NT5E: variants seen among roughly 807,000 people sequenced by gnomAD.
NT5E encodes the protein 5'-nucleotidase ecto, also known as 5'-nucleotidase.
NT5E carries 53 observed loss-of-function variants against 55.1 expected under a neutral mutation model. The ratio of observed to expected loss-of-function variants is 0.96; its 90% confidence interval spans 0.77 to 1.21. The LOEUF (loss-of-function observed/expected upper bound fraction) is 1.21. Among genes scored for constraint, NT5E ranks in the 50% most tolerant of loss-of-function variants. The pLI, the probability that NT5E is intolerant of heterozygous loss-of-function variation, is 0.00. For synonymous variants in NT5E, 270 were observed against 278.4 expected (o/e 0.97, Z 0.30); for missense variants, 683 against 724.3 (o/e 0.94, Z 0.65).
chr6:85,479,744 G>GTC (rs140974741), intron 3 of NT5E, among the ~76,000 whole-genome samples: 2 of 151,362 alleles, frequency 1.3e-5, no homozygotes, highest in East Asian at 1.9e-4. Context: ...ATGAAAATTA[G>GTC]TCTCTCTCTC....
In NT5E at chr6:85,450,584, G is replaced by A; in HGVS notation, c.339+106G>A. 9.4e-7 allele frequency: 1 copy of A among 1,062,754 alleles called. No individual in the cohort carries two copies. The highest frequency in any genetic ancestry group is 1.4e-6 in the Non-Finnish European group (1 of 712,144). The allele number at this position is 1,062,754 out of a possible 1,614,324, so 65.8% of individuals were successfully genotyped here. A position where few individuals can be genotyped will look rare whatever the true frequency, so the allele number is the denominator to read the frequency against. ...GTGGCAAGCCTAGGTCCAGGGCGCG[G>A]AGAGATGTGGGGATAAAGTGAGACT... On this transcript the variant is annotated intron_variant, in intron 1 of 8. Transcript: ENST00000257770. The surrounding 1 kb of genome is among the most constrained non-coding windows in gnomAD (Gnocchi z 4.0).
intron 3 of NT5E, among the ~76,000 whole-genome samples, chr6:85,482,854 G>C (rs1238008404): frequency 6.6e-6 from 1 of 152,208 alleles, no homozygotes; most frequent in Admixed American, 6.5e-5. Flanking sequence ...GGTTTCCTGG[G>C]ACTGCCGAGT....
At chr6:85,454,767 A>T (rs1768954843) in intron 1 of NT5E, among the ~76,000 whole-genome samples, 1 of 152,204 alleles carries the variant, frequency 6.6e-6, no homozygotes, top group African/African-American at 2.4e-5. Context: ...CTGGAAATTC[A>T]GAGATCACCA....
At chr6:85,470,342 A>T (rs1368280391) in intron 2 of NT5E, among the ~76,000 whole-genome samples, 1 of 152,238 alleles carries the variant, frequency 6.6e-6, no homozygotes, top group South Asian at 2.1e-4. Flanking sequence ...TATGTGCAGT[A>T]ATAAGCACCC....
chr6:85,492,842 G>A lies in NT5E; in HGVS notation c.1561+665G>A, dbSNP rs554560552. Among the ~76,000 whole-genome samples, 3 of 152,306 alleles carry A rather than the reference G, an allele frequency of 2.0e-5. No homozygotes were observed. In the East Asian group the frequency reaches 5.8e-4, roughly 29 times the overall value. ...ACAAGCAGCTTCTTGGCATCTCTGG[G>A]TAGTTCCACCAGGATCTTCCTCAGT... On this transcript the variant is annotated intron_variant, in intron 8 of 8. Transcript: ENST00000257770.
intron 7 of NT5E, 71 bp downstream of exon 7, chr6:85,490,728 C>A: frequency 6.4e-7 from 1 of 1,563,322 alleles, no homozygotes; most frequent in East Asian, 2.2e-5. Flanking sequence ...GGCTCAGCTT[C>A]CCCTTCACCA....
intron 7 of NT5E, 22 bp downstream of exon 7, chr6:85,490,679 G>A (rs765952269): frequency 6.2e-7 from 1 of 1,612,924 alleles, no homozygotes; most frequent in South Asian, 1.1e-5. Flanking sequence ...ATCCTGTAGG[G>A]CTGGCCCATC....
Position 85,494,377 on chromosome 6 carries a change from T to C in NT5E, c.*373T>C, listed in dbSNP as rs938692560. On this transcript the variant is annotated 3_prime_UTR_variant, in exon 9 of 9. Transcript: ENST00000257770. ...ATTCACAAGGAAGTTTTAAGCACAC[T>C]GTCTCATTTGATATCCACAACTTAT... is the stretch of plus-strand genomic sequence containing the variant. The C allele has an allele frequency of 5.2e-5, 11 of 209,908 alleles. No homozygotes were observed. Among genetic ancestry groups the C allele is most frequent in the Non-Finnish European group, 9.7e-5 (10 of 103,060 alleles). The allele number at this position is 209,908 out of a possible 1,614,324, so 13.0% of individuals were successfully genotyped here.
rs1769085124 is a variant in NT5E at position 85,460,782 on chromosome 6, G to A, written c.340-6278G>A. 1.3e-5 allele frequency among the ~76,000 whole-genome samples: 2 copies of A among 152,300 alleles called. 1 individual carries two copies. The highest frequency in any genetic ancestry group is 6.8e-3 in the Middle Eastern group (2 of 294). ...TCATGAGAACACTCCTGGGGTGAGA[G>A]CAAGAGGAATGAAAACACGTGGTGT... is the stretch of plus-strand genomic sequence containing the variant. On this transcript the variant is annotated intron_variant, in intron 1 of 8. Coordinates refer to ENST00000257770, the MANE Select transcript of NT5E (RefSeq NM_002526.4).
At position 85,456,314 on chromosome 6, in the gene NT5E, A is replaced by G. The variant is rs182280333; in HGVS notation, c.339+5836A>G. Among the ~76,000 whole-genome samples, 29 of 152,300 alleles carry G rather than the reference A, an allele frequency of 1.9e-4. 1 individual carries two copies. In the East Asian group the frequency reaches 5.0e-3, roughly 26 times the overall value. ...GTCGTATGCTTTATAATAAGCCAGT[A>G]AAGTGCTTTCCAAGTTCTGTGACTC... On this transcript the variant is annotated intron_variant, in intron 1 of 8. Transcript: ENST00000257770.
chr6:85,453,462 C>T (rs142201344), intron 1 of NT5E, among the ~76,000 whole-genome samples: 1,989 of 152,268 alleles, frequency 0.013, 27 homozygotes, highest in Non-Finnish European at 0.02. Context: ...TACCACCTGC[C>T]TGCCCTCTAC....
In NT5E at chr6:85,463,854, A is replaced by G. The variant is rs186570048; in HGVS notation, c.340-3206A>G. ...AAACTGGTAGAAGGAAGTCAAATGA[A>G]AATACAAGTTTCTAAAGAAAATAAG... is the stretch of plus-strand genomic sequence containing the variant. On this transcript the variant is annotated intron_variant, in intron 1 of 8. Coordinates refer to ENST00000257770, the MANE Select transcript of NT5E (RefSeq NM_002526.4). Among the ~76,000 whole-genome samples, 47 of 152,296 alleles carry G rather than the reference A, an allele frequency of 3.1e-4. No homozygotes were observed. In the East Asian group the frequency reaches 8.1e-3, roughly 26 times the overall value.
intron 7 of NT5E, chr6:85,490,997 C>T (rs754213909): frequency 3.9e-6 from 2 of 507,456 alleles, no homozygotes; most frequent in South Asian, 1.5e-5. Flanking sequence ...TAAATCCTCT[C>T]CTCTGTTCTA....
chr6:85,480,276 G>T (rs1769518240), intron 3 of NT5E, among the ~76,000 whole-genome samples: 1 of 152,178 alleles, frequency 6.6e-6, no homozygotes, highest in Non-Finnish European at 1.5e-5. Context: ...AATCTCTTTA[G>T]ACTTCCTGGG....
chr6:85,450,205 T>A lies in NT5E; in HGVS notation c.66T>A (p.Pro22=). Residue 22 remains proline, a synonymous_variant, in exon 1 of 9, where the codon CCT becomes CCA. Transcript: ENST00000257770. This position sits in a 1 kb window ranked among gnomAD's most constrained non-coding sequence, Gnocchi z 4.0. ...LLLALGAVLW[P]AAGAWELTIL... is the part of the protein sequence containing the mutation. ...TCGCCCTGGGCGCGGTGCTGTGGCC[T>A]GCGGCTGGCGCCTGGGAGCTTACGA... 1 of 1,608,308 alleles carries A rather than the reference T, an allele frequency of 6.2e-7. No homozygotes were observed. The highest frequency in any genetic ancestry group is 8.5e-7 in the Non-Finnish European group (1 of 1,178,582).
chr6:85,487,369 G>C lies in NT5E; in HGVS notation c.984G>C (p.Arg328Ser). ...PSIKADINKW[R>S]IKLDNYSTQE... ...TAAAAGCAGACATTAACAAATGGAGGATAAAATTGGATAATTATTCTACCC... is the reference window on the plus strand; with the variant it reads ...TAAAAGCAGACATTAACAAATGGAGCATAAAATTGGATAATTATTCTACCC... Residue 328 changes from arginine (R) to serine (S), a missense_variant, in exon 5 of 9, where the codon AGG (arginine) becomes AGC (serine). Arg to Ser is a moderately radical substitution (Grantham distance 110). Transcript: ENST00000257770. 6.2e-7 allele frequency: 1 copy of C among 1,613,630 alleles called. No homozygotes were observed. The highest frequency in any genetic ancestry group is 1.3e-5 in the African/African-American group (1 of 75,020).
chr6:85,491,953 A>G, intron 7 of NT5E, 24 bp from the exon 8 acceptor site: 1 of 1,606,842 alleles, frequency 6.2e-7, no homozygotes, highest in South Asian at 1.1e-5. Context: ...GGATCTGGTG[A>G]AAACAGATTC....
In NT5E at chr6:85,495,432, T is replaced by C. The variant is rs1769871757; in HGVS notation, c.*1428T>C. ...CAGCTAGAGGTTTTGATAGGAAGTA[T>C]GTTTGTTTCTTAGTGTTTACAAATA... is the stretch of plus-strand genomic sequence containing the variant. On this transcript the variant is annotated 3_prime_UTR_variant, in exon 9 of 9. Transcript: ENST00000257770. 1.3e-5 allele frequency: 2 copies of C among 152,226 alleles called. No individual in the cohort carries two copies. 9.4% of individuals were successfully genotyped at this position (152,226 alleles called of 1,614,324 possible).
At chr6:85,483,950 C>T (rs987660104) in intron 3 of NT5E, among the ~76,000 whole-genome samples, 7 of 152,182 alleles carry the variant, frequency 4.6e-5, no homozygotes, top group Non-Finnish European at 8.8e-5. Context: ...CAGTCTGCCT[C>T]CTCCCAACCC....
Sources: gnomAD v4.1 joint callset for allele counts (sites outside exome capture counted in the v4.1 genomes callset) on GRCh38, gnomAD v4.1.1 for gene constraint, Gnocchi (gnomAD v3.1) non-coding constraint, MANE v1.5 for transcripts, NCBI Gene and HGNC (gene_info 2026-07-23, HGNC 2026-07-21) for gene names.